SCAF1: variants seen among roughly 807,000 people sequenced by gnomAD.
SCAF1 encodes splicing factor, arginine/serine-rich 19.
A neutral mutation model predicts 91.2 loss-of-function variants in SCAF1; 28 were observed. The observed-to-expected ratio is 0.31, with a 90% CI of 0.23 to 0.42. SCAF1 has a LOEUF of 0.42. Among genes scored for constraint, SCAF1 ranks in the 10% least tolerant of loss-of-function variants. The probability of loss-of-function intolerance (pLI) is 1.00; values close to 1 mark genes in which losing one functional copy is unlikely to be tolerated. For synonymous variants in SCAF1, 1,036 were observed against 833.7 expected, an observed-to-expected ratio of 1.24 and a Z score of -4.18; for missense variants, 1,893 against 1,872.1, an observed-to-expected ratio of 1.01 and a Z score of -0.21.
At chr19:49,649,888 T>C (rs1256743734) in intron 6 of SCAF1, among the ~76,000 whole-genome samples, 1 of 152,204 alleles carries the variant, frequency 6.6e-6, no homozygotes, top group Non-Finnish European at 1.5e-5. Flanking sequence ...GTCATGTGGC[T>C]GGTGAGGGCC....
intron 10 of SCAF1, 83 bp downstream of exon 10, chr19:49,657,972 G>T: frequency 6.6e-7 from 1 of 1,515,880 alleles, no homozygotes; most frequent in South Asian, 1.2e-5. Context: ...GATGGACGCG[G>T]ATGGGAGACG....
In SCAF1 at chr19:49,646,820, G is replaced by A. The variant is rs1305709136; in HGVS notation, c.468G>A (p.Thr156=). ...SLLPRLRAWR[T]GKTVSPQSNS... ...TGCCCCGTCTCAGGGCCTGGAGGACGGGCAAAACGGGTATGTGGGGCCAGG... is the reference window on the plus strand; with the variant it reads ...TGCCCCGTCTCAGGGCCTGGAGGACAGGCAAAACGGGTATGTGGGGCCAGG... Residue 156 remains threonine (T), a synonymous_variant, in exon 6 of 11, where the codon ACG becomes ACA. Transcript: ENST00000360565. The surrounding 1 kb of genome is among the most constrained non-coding windows in gnomAD (Gnocchi z 5.6). 10 of 1,611,126 alleles carry A rather than the reference G, an allele frequency of 6.2e-6. No homozygotes were observed. The highest frequency in any genetic ancestry group is 3.8e-4 in the Middle Eastern group (2 of 5,226).
chr19:49,654,897 C>A, intron 9 of SCAF1, 27 bp downstream of exon 9: 2 of 1,503,548 alleles, frequency 1.3e-6, no homozygotes, highest in South Asian at 1.2e-5. Context: ...AGAGGTGGGG[C>A]GGTGCTGACA....
intron 9 of SCAF1, among the ~76,000 whole-genome samples, chr19:49,657,091 G>A (rs990979260): frequency 2.6e-5 from 4 of 152,082 alleles, no homozygotes; most frequent in Non-Finnish European, 5.9e-5. Flanking sequence ...GAGACCAGGG[G>A]TACAGTGAGC....
At chr19:49,654,910 T>C in intron 9 of SCAF1, 40 bp downstream of exon 9, 1 of 1,450,446 alleles carries the variant, frequency 6.9e-7, no homozygotes. Flanking sequence ...TGCTGACAGT[T>C]CTGTAGAGAA....
In SCAF1 at chr19:49,651,917, G is replaced by T. The variant is rs1400343866; in HGVS notation, c.1528G>T (p.Ala510Ser). The T allele has an allele frequency of 6.1e-6, 7 of 1,151,098 alleles. No individual in the cohort carries two copies. The East Asian group carries it at 4.1e-4, about 68-fold the overall frequency. 71.3% of individuals were successfully genotyped at this position (1,151,098 alleles called of 1,614,324 possible). Residue 510 changes from alanine to serine, a missense_variant, in exon 7 of 11, where the codon GCT (alanine) becomes TCT (serine). By Grantham distance (99) the Ala-to-Ser change is moderately conservative. Transcript: ENST00000360565. ...SPAPAPAPAA[A>S]AGPPTRKKSR... The stretch of plus-strand genomic sequence containing the variant: ...GGCGCCCGCGCCCGCCCCGGCCGCC[G>T]CTGCTGGTCCGCCCACGCGCAAGAA...
At position 49,645,997 on chromosome 19, in the gene SCAF1, C is replaced by A; in HGVS notation, c.167-111C>A. Reference sequence around the variant, plus strand: ...GGCGCATGGAGGCCTGGAGAGCATGCGGGAGGCTGGTTCCGCTGTCAGGAA... The same window carrying A: ...GGCGCATGGAGGCCTGGAGAGCATGAGGGAGGCTGGTTCCGCTGTCAGGAA... On this transcript the variant is annotated intron_variant, in intron 3 of 10. Transcript: ENST00000360565. The surrounding 1 kb of genome is among the most constrained non-coding windows in gnomAD (Gnocchi z 4.6). The A allele has an allele frequency of 1.0e-6, 1 of 960,630 alleles. No homozygotes were observed. The highest frequency in any genetic ancestry group is 1.6e-6 in the Non-Finnish European group (1 of 615,130). 59.5% of individuals were successfully genotyped at this position (960,630 alleles called of 1,614,324 possible). A position where few individuals can be genotyped will look rare whatever the true frequency, so the allele number is the denominator to read the frequency against.
chr19:49,656,037 T>C (rs1333073647), intron 9 of SCAF1, among the ~76,000 whole-genome samples: 1 of 152,248 alleles, frequency 6.6e-6, no homozygotes, highest in Non-Finnish European at 1.5e-5. Context: ...CTTACACAGC[T>C]GTGTACCGTG....
intron 6 of SCAF1, among the ~76,000 whole-genome samples, 200 bp from the exon 7 acceptor site, chr19:49,650,668 T>C (rs1325412561): frequency 6.6e-6 from 1 of 152,132 alleles, no homozygotes; most frequent in Non-Finnish European, 1.5e-5. Flanking sequence ...GCCCTCTGCC[T>C]CAGTTTCCTC....
At chr19:49,653,778 A>G in intron 7 of SCAF1, 73 bp downstream of exon 7, 1 of 1,370,726 alleles carries the variant, frequency 7.3e-7, no homozygotes, top group Non-Finnish European at 9.6e-7. Flanking sequence ...ACAGACTTAG[A>G]GGCAGTGGGG....
rs2081120216 is a variant in SCAF1, at chr19:49,653,717, C to T, written c.3316+12C>T. Reference sequence around the variant, plus strand: ...CGGCGTCCTGGCCTGTGAGTGTCCCCTGGGGGAGGGTGGTGCTGGGGCAGG... The same window carrying T: ...CGGCGTCCTGGCCTGTGAGTGTCCCTTGGGGGAGGGTGGTGCTGGGGCAGG... On this transcript the variant is annotated intron_variant, in intron 7 of 10. Coordinates refer to ENST00000360565, the MANE Select transcript of SCAF1 (RefSeq NM_021228.3). 6.6e-7 allele frequency: 1 copy of T among 1,524,440 alleles called. No homozygotes were observed. Among genetic ancestry groups the T allele is most frequent in the Non-Finnish European group, 8.8e-7 (1 of 1,141,546 alleles). 94.4% of individuals were successfully genotyped at this position (1,524,440 alleles called of 1,614,324 possible).
chr19:49,653,072 A>G lies in SCAF1; in HGVS notation c.2683A>G (p.Thr895Ala), dbSNP rs3745470. The G allele has an allele frequency of 5.0e-3, 8,028 of 1,613,672 alleles. 179 individuals carry two copies. The East Asian group carries it at 0.075, about 15-fold the overall frequency. ...TEMAKAAPGSTKPKKTKVKAK... is the reference protein window; with the variant it reads ...TEMAKAAPGSAKPKKTKVKAK... The stretch of plus-strand genomic sequence containing the variant: ...GATGGCCAAAGCAGCTCCGGGCAGC[A>G]CCAAGCCCAAAAAGACCAAGGTCAA... The change falls in exon 7 of 11, where the codon ACC becomes GCC. Residue 895 changes from threonine to alanine, a missense_variant. Physicochemically the swap from Thr to Ala is moderately conservative, Grantham distance 58. Transcript: ENST00000360565.
In SCAF1 at chr19:49,651,199, AGAG is replaced by A. The variant is rs781461944; in HGVS notation, c.819_821del (p.Glu282del). The A allele has an allele frequency of 2.3e-5, 37 of 1,612,588 alleles. No individual in the cohort carries two copies. Among genetic ancestry groups the A allele is most frequent in the South Asian group, 2.2e-4 (20 of 91,010 alleles). ...CGGGGACCCCCTCACCTGAGGAGGA[AGAG>A]GAGGAGGAAGAGGAAGAAGAAGAGG... On this transcript the variant is annotated inframe_deletion, in exon 7 of 11. Coordinates refer to ENST00000360565, the MANE Select transcript of SCAF1 (RefSeq NM_021228.3).
chr19:49,656,856 AAAT>A (rs1813841757), intron 9 of SCAF1, among the ~76,000 whole-genome samples: 1 of 152,192 alleles, frequency 6.6e-6, no homozygotes, highest in Non-Finnish European at 1.5e-5. Context: ...CCCGTTTTAC[AAAT>A]GAGCCACAAA....
chr19:49,650,841 C>T (rs752558557), intron 6 of SCAF1, 27 bp from the exon 7 acceptor site: 11 of 1,574,978 alleles, frequency 7.0e-6, no homozygotes, highest in African/African-American at 5.4e-5. Context: ...AGGCCCTGAC[C>T]GCCTCTCTCT....
At position 49,644,793 on chromosome 19, in the gene SCAF1, G is replaced by A. The variant is rs568041139; in HGVS notation, c.-6-228G>A. ...CCTCCCTTTGACATAAGAGGCACCT[G>A]AGACCCAGAAAAAAGGAAGAGAATT... On this transcript the variant is annotated intron_variant, in intron 1 of 10. Coordinates refer to ENST00000360565, the MANE Select transcript of SCAF1 (RefSeq NM_021228.3). The A allele has an allele frequency of 1.8e-5, 7 of 395,380 alleles. No homozygotes were observed. In the South Asian group the frequency reaches 3.4e-4, roughly 19 times the overall value. The allele number at this position is 395,380 out of a possible 1,614,324, so 24.5% of individuals were successfully genotyped here. A position where few individuals can be genotyped will look rare whatever the true frequency, so the allele number is the denominator to read the frequency against.
chr19:49,643,622 G>A (rs758886646), intron 1 of SCAF1, among the ~76,000 whole-genome samples: 12 of 152,206 alleles, frequency 7.9e-5, no homozygotes, highest in Admixed American at 4.6e-4. Flanking sequence ...AAGCATCTTT[G>A]TATACTGCAG....
At position 49,651,892 on chromosome 19, in the gene SCAF1, G is replaced by C. The variant is rs1489888104; in HGVS notation, c.1503G>C (p.Pro501=). ...GCTACCGCCAGCGCTCGCCCTCCCC[G>C]GCGCCCGCGCCCGCCCCGGCCGCCG... The part of the protein sequence containing the change: ...RERYRQRSPS[P]APAPAPAAAA... Residue 501 remains proline, a synonymous_variant, in exon 7 of 11, where the codon CCG becomes CCC. Transcript: ENST00000360565. 3 of 1,180,784 alleles carry C rather than the reference G, an allele frequency of 2.5e-6. No individual in the cohort carries two copies. The highest frequency in any genetic ancestry group is 2.1e-6 in the Non-Finnish European group (2 of 952,016). The allele number at this position is 1,180,784 out of a possible 1,614,324, so 73.1% of individuals were successfully genotyped here.
intron 9 of SCAF1, 152 bp from the exon 10 acceptor site, chr19:49,657,609 C>A: frequency 1.1e-6 from 1 of 907,952 alleles, no homozygotes; most frequent in Non-Finnish European, 1.6e-6. Context: ...CAGCAGAGGG[C>A]GCATGGGACA....
Sources: allele counts gnomAD v4.1 joint callset (sites outside exome capture counted in the v4.1 genomes callset), GRCh38; gene constraint gnomAD v4.1.1; non-coding constraint Gnocchi (gnomAD v3.1); transcripts MANE v1.5; gene names NCBI Gene and HGNC (gene_info 2026-07-23, HGNC 2026-07-21).